METTL25: variants seen among roughly 807,000 people sequenced by gnomAD.
METTL25 encodes the protein probable methyltransferase-like protein 25.
A neutral mutation model predicts 71.6 loss-of-function variants in METTL25; 64 were observed. That is an observed-to-expected ratio of 0.89 (90% CI 0.73 to 1.10). The LOEUF (loss-of-function observed/expected upper bound fraction) is 1.10. Ranked by LOEUF, METTL25 falls within the 50% of genes least tolerant of loss-of-function variation. METTL25 has a pLI of 0.00. For missense variants in METTL25, 807 were observed against 707.0 expected, an observed-to-expected ratio of 1.14 and a Z score of -1.60; for synonymous variants, 287 against 250.3, an observed-to-expected ratio of 1.15 and a Z score of -1.38.
At chr12:82,442,963 T>C (rs1041185198) in intron 8 of METTL25, among the ~76,000 whole-genome samples, 1 of 148,820 alleles carries the variant, frequency 6.7e-6, no homozygotes, top group African/African-American at 2.5e-5. Context: ...AAATAATTAA[T>C]GAACTGAAAG....
At chr12:82,378,184 C>T (rs556485397) in intron 1 of METTL25, among the ~76,000 whole-genome samples, 51 of 152,292 alleles carry the variant, frequency 3.3e-4, no homozygotes, top group African/African-American at 9.1e-4. Context: ...ATACCAATGA[C>T]AGTCACTGAG....
intron 1 of METTL25, among the ~76,000 whole-genome samples, chr12:82,369,860 G>A (rs1386831705): frequency 6.6e-6 from 1 of 152,166 alleles, no homozygotes; most frequent in Non-Finnish European, 1.5e-5. Flanking sequence ...GCTGATTGGT[G>A]CGTTTACAAT....
chr12:82,387,711 A>G (rs76580156), intron 2 of METTL25, among the ~76,000 whole-genome samples: 31 of 32,170 alleles, frequency 9.6e-4, no homozygotes, highest in East Asian at 4.4e-3. Context: ...CTACACACAC[A>G]CGCGCACACA....
chr12:82,366,255 A>C (rs886489000), intron 1 of METTL25, among the ~76,000 whole-genome samples: 2 of 152,206 alleles, frequency 1.3e-5, no homozygotes, highest in African/African-American at 4.8e-5. Flanking sequence ...TTATAATGTT[A>C]TTTAAATTAG....
At chr12:82,472,500 A>T (rs538637513) in intron 9 of METTL25, among the ~76,000 whole-genome samples, 5 of 152,252 alleles carry the variant, frequency 3.3e-5, no homozygotes, top group Admixed American at 2.6e-4. Flanking sequence ...TGGGAGGCTG[A>T]GGCAGGAGAA....
intron 9 of METTL25, among the ~76,000 whole-genome samples, chr12:82,468,221 G>T (rs1892356937): frequency 6.6e-6 from 1 of 152,042 alleles, no homozygotes; most frequent in Admixed American, 6.6e-5. Context: ...CTTTAAATTT[G>T]TAAGTTGGTC....
In METTL25 at chr12:82,479,123, A is replaced by G; in HGVS notation, c.*99A>G. The G allele has an allele frequency of 3.8e-6, 3 of 788,270 alleles. No homozygotes were observed. The highest frequency in any genetic ancestry group is 6.3e-6 in the Non-Finnish European group (3 of 476,566). The allele number at this position is 788,270 out of a possible 1,614,324, so 48.8% of individuals were successfully genotyped here. A position where few individuals can be genotyped will look rare whatever the true frequency, so the allele number is the denominator to read the frequency against. ...TGTCCTGTTATACAAAAATTTTTAA[A>G]TGACTGTTATGTATTTTAAATAATA... On this transcript the variant is annotated 3_prime_UTR_variant, in exon 12 of 12. Coordinates refer to ENST00000248306, the MANE Select transcript of METTL25 (RefSeq NM_032230.3).
chr12:82,397,367 C>T (rs1442532493), intron 3 of METTL25, among the ~76,000 whole-genome samples: 1 of 152,010 alleles, frequency 6.6e-6, no homozygotes, highest in African/African-American at 2.4e-5. Flanking sequence ...GTTCTTTATT[C>T]TAGATATAAG....
chr12:82,378,278 A>G (rs1884083416), intron 1 of METTL25, among the ~76,000 whole-genome samples: 1 of 152,118 alleles, frequency 6.6e-6, no homozygotes, highest in Non-Finnish European at 1.5e-5. Context: ...TTACTTGTTT[A>G]TTTTCTATAC....
At chr12:82,395,395 C>T (rs574125329) in intron 3 of METTL25, among the ~76,000 whole-genome samples, 3 of 151,974 alleles carry the variant, frequency 2.0e-5, no homozygotes, top group Non-Finnish European at 4.4e-5. Flanking sequence ...ACAGGGAGAT[C>T]ACTGAGAAAG....
intron 1 of METTL25, among the ~76,000 whole-genome samples, chr12:82,384,112 CCAAA>C (rs1374187033): frequency 6.6e-6 from 1 of 152,026 alleles, no homozygotes; most frequent in Non-Finnish European, 1.5e-5. Context: ...GAGATGTAGG[CCAAA>C]CAATCAAGCC....
At chr12:82,420,759 A>G (rs1888404835) in intron 5 of METTL25, among the ~76,000 whole-genome samples, 1 of 152,154 alleles carries the variant, frequency 6.6e-6, no homozygotes, top group South Asian at 2.1e-4. Flanking sequence ...TGTCAATTGT[A>G]CTAAGGATTG....
At chr12:82,361,508 G>T (rs1179883996) in intron 1 of METTL25, among the ~76,000 whole-genome samples, 1 of 152,130 alleles carries the variant, frequency 6.6e-6, no homozygotes, top group East Asian at 1.9e-4. Flanking sequence ...AGGAGCCCAC[G>T]GTGGGGGGGA....
In METTL25 at chr12:82,434,892, C is replaced by T. The variant is rs566562032; in HGVS notation, c.1404+168C>T. On this transcript the variant is annotated intron_variant, in intron 7 of 11. Coordinates refer to ENST00000248306, the MANE Select transcript of METTL25 (RefSeq NM_032230.3). ...AAGTTTACTTTAAAAGCAAAATGAA[C>T]TTTTCAGAACTTTTGAGCTTTTAGG... is the stretch of plus-strand genomic sequence containing the variant. Among the ~76,000 whole-genome samples, 7 of 151,476 alleles carry T rather than the reference C, an allele frequency of 4.6e-5. No individual in the cohort carries two copies. The East Asian group carries it at 1.4e-3, about 30-fold the overall frequency.
At chr12:82,476,141 T>C (rs1892866090) in intron 9 of METTL25, among the ~76,000 whole-genome samples, 1 of 152,064 alleles carries the variant, frequency 6.6e-6, no homozygotes. Flanking sequence ...CTATAGGTAT[T>C]TGTTTTAGAA....
intron 1 of METTL25, among the ~76,000 whole-genome samples, chr12:82,371,916 C>T (rs150999326): frequency 1.9e-3 from 290 of 152,254 alleles, no homozygotes; most frequent in African/African-American, 6.6e-3. Flanking sequence ...CAGATGTTTA[C>T]GACTCCAGTC....
At chr12:82,370,330 C>G (rs1049734366) in intron 1 of METTL25, among the ~76,000 whole-genome samples, 2 of 152,046 alleles carry the variant, frequency 1.3e-5, no homozygotes, top group African/African-American at 4.8e-5. Flanking sequence ...ATATAGGGCC[C>G]GAAGGTGAGT....
intron 3 of METTL25, among the ~76,000 whole-genome samples, 167 bp from the exon 4 acceptor site, chr12:82,398,628 T>A (rs542563574): frequency 3.9e-5 from 6 of 152,192 alleles, no homozygotes; most frequent in African/African-American, 1.2e-4. Flanking sequence ...GAACCTCCAG[T>A]AAAATGTTGA....
chr12:82,477,931 G>T (rs1892973061), intron 11 of METTL25, among the ~76,000 whole-genome samples: 1 of 151,654 alleles, frequency 6.6e-6, no homozygotes, highest in Non-Finnish European at 1.5e-5. Context: ...ACCCATTCAT[G>T]GACTCACCGA....
Sources: allele counts gnomAD v4.1 joint callset (sites outside exome capture counted in the v4.1 genomes callset), GRCh38; gene constraint gnomAD v4.1.1; transcripts MANE v1.5; gene names NCBI Gene and HGNC (gene_info 2026-07-23, HGNC 2026-07-21).